The following CCDC82 variants were observed in gnomAD, a reference collection of about 807,000 sequenced individuals.
CCDC82 encodes coiled-coil domain-containing protein 82.
A neutral mutation model predicts 60.6 loss-of-function variants in CCDC82; 47 were observed. The ratio of observed to expected loss-of-function variants is 0.77; its 90% CI spans 0.61 to 0.99. The LOEUF (loss-of-function observed/expected upper bound fraction) is 0.99, where lower values mean the gene tolerates loss of function less well. Ranked by LOEUF, CCDC82 falls within the 50% of genes least tolerant of loss-of-function variation. CCDC82 has a pLI of 0.00. For missense variants in CCDC82, 588 were observed against 633.0 expected, an observed-to-expected ratio of 0.93 and a Z score of 0.76; for synonymous variants, 212 against 207.4, an observed-to-expected ratio of 1.02 and a Z score of -0.19.
At chr11:96,388,759 G>C (rs550599527) in intron 1 of CCDC82, 10 of 152,314 alleles carry the variant, frequency 6.6e-5, no homozygotes, top group Admixed American at 6.5e-4. Flanking sequence ...TGGAACCCCA[G>C]GTCATTATTT....
Position 96,384,461 on chromosome 11 carries a change from T to G in CCDC82, c.287A>C (p.Asp96Ala), listed in dbSNP as rs1199399726. 3 of 1,613,882 alleles carry G rather than the reference T, an allele frequency of 1.9e-6. No individual in the cohort carries two copies. The Admixed American group carries it at 5.0e-5, about 27-fold the overall frequency. ...GCCAGAGTTAATGAGACACTTACTG[T>G]CATTTCCTTCACTTTGAATTTTACT... is the stretch of plus-strand genomic sequence containing the variant. ...NLSKIQSEGN[D>A]SKCLINSGNG... is the part of the protein sequence containing the mutation. The change falls in exon 4 of 10, where the codon GAC becomes GCC. Residue 96 changes from aspartate to alanine, a missense_variant. Transcript: ENST00000646818.
At chr11:96,377,847 A>G (rs559945166) in intron 5 of CCDC82, among the ~76,000 whole-genome samples, 3 of 152,078 alleles carry the variant, frequency 2.0e-5, no homozygotes, top group Admixed American at 6.6e-5. Context: ...GGGCCTCTTT[A>G]ATCTGCATAA....
intron 3 of CCDC82, chr11:96,385,434 GAATAGAGAAA>G: frequency 6.6e-6 from 1 of 152,364 alleles, no homozygotes. Flanking sequence ...AAAGGATTCT[GAATAGAGAAA>G]TGATATAAAG....
intron 7 of CCDC82, among the ~76,000 whole-genome samples, chr11:96,368,927 G>A (rs779410903): frequency 9.3e-5 from 14 of 151,134 alleles, no homozygotes; most frequent in Non-Finnish European, 2.1e-4. Context: ...GAAAAAATCT[G>A]TTGTTTACTT....
At chr11:96,378,296 T>C (rs748422524) in intron 5 of CCDC82, among the ~76,000 whole-genome samples, 72 of 152,034 alleles carry the variant, frequency 4.7e-4, no homozygotes, top group Non-Finnish European at 8.5e-4. Context: ...TTATAACTTC[T>C]TTTTCATAGA....
chr11:96,381,857 T>C (rs1439921219), intron 5 of CCDC82: 1 of 151,864 alleles, frequency 6.6e-6, no homozygotes, highest in East Asian at 1.9e-4. Flanking sequence ...GACATTTTCA[T>C]TGATGATGTA....
rs144947194 is a variant in CCDC82, at chr11:96,377,851, T to C, written c.992-4384A>G. On this transcript the variant is annotated intron_variant, in intron 5 of 9. Coordinates refer to ENST00000646818, the MANE Select transcript of CCDC82 (RefSeq NM_024725.4). ...ATTAGCAATGTGGGCCTCTTTAATC[T>C]GCATAAATGTGTTACGCATTATGAA... Among the ~76,000 whole-genome samples the C allele has an allele frequency of 8.7e-3, 1,331 of 152,206 alleles. 18 individuals carry two copies. Among genetic ancestry groups the C allele is most frequent in the Admixed American group, 0.034 (524 of 15,282 alleles).
At position 96,353,618 on chromosome 11, in the gene CCDC82, T is replaced by G; in HGVS notation, c.*28A>C. 1 of 1,522,060 alleles carries G rather than the reference T, an allele frequency of 6.6e-7. No individual in the cohort carries two copies. The highest frequency in any genetic ancestry group is 9.1e-7 in the Non-Finnish European group (1 of 1,099,330). 94.3% of individuals were successfully genotyped at this position (1,522,060 alleles called of 1,614,324 possible). A position where few individuals can be genotyped will look rare whatever the true frequency, so the allele number is the denominator to read the frequency against. On this transcript the variant is annotated 3_prime_UTR_variant, in exon 10 of 10. Transcript: ENST00000646818. ...TCATGATCTTCACATTTACAGGAAT[T>G]TAAAAAATCTTCTCTGATGGAAATG...
intron 5 of CCDC82, among the ~76,000 whole-genome samples, chr11:96,378,330 A>G (rs1309008466): frequency 6.6e-6 from 1 of 151,830 alleles, no homozygotes; most frequent in African/African-American, 2.4e-5. Flanking sequence ...GCTTTATAGC[A>G]TTTTCTTGTT....
chr11:96,369,707 T>G (rs756744405), intron 7 of CCDC82, among the ~76,000 whole-genome samples: 4 of 152,146 alleles, frequency 2.6e-5, no homozygotes, highest in Non-Finnish European at 5.9e-5. Context: ...ACTGCAATAA[T>G]TACCAAAATG....
At chr11:96,366,795 A>T (rs1311477513) in intron 7 of CCDC82, among the ~76,000 whole-genome samples, 2 of 152,170 alleles carry the variant, frequency 1.3e-5, no homozygotes, top group Non-Finnish European at 2.9e-5. Flanking sequence ...CATGTAGATT[A>T]CTTGGCTAAA....
At chr11:96,356,303 G>T in intron 9 of CCDC82, 1 of 415,442 alleles carries the variant, frequency 2.4e-6, no homozygotes, top group Non-Finnish European at 3.2e-6. Flanking sequence ...GAAGAGAAGC[G>T]TTTAAGGAAG....
chr11:96,381,690 T>A (rs1327006591), intron 5 of CCDC82: 2 of 151,816 alleles, frequency 1.3e-5, no homozygotes, highest in Non-Finnish European at 3.0e-5. Flanking sequence ...CTATCTCTGA[T>A]AGGTTTCACT....
At chr11:96,358,094 C>T in intron 9 of CCDC82, 1 of 985,418 alleles carries the variant, frequency 1.0e-6, no homozygotes, top group Middle Eastern at 5.2e-4. Context: ...TCTGCCTAAG[C>T]TCTCTTGCCT....
intron 5 of CCDC82, among the ~76,000 whole-genome samples, chr11:96,380,320 A>G (rs1865805028): frequency 6.6e-6 from 1 of 151,750 alleles, no homozygotes. Flanking sequence ...GTAGGGATAA[A>G]ATCATTGAAA....
chr11:96,362,286 T>C (rs1328710992), intron 8 of CCDC82, among the ~76,000 whole-genome samples: 3 of 152,206 alleles, frequency 2.0e-5, no homozygotes, highest in African/African-American at 7.2e-5. Context: ...CAGCTCCTTA[T>C]GGAAGTTAAA....
At chr11:96,379,040 T>C (rs761526621) in intron 5 of CCDC82, among the ~76,000 whole-genome samples, 5 of 151,964 alleles carry the variant, frequency 3.3e-5, no homozygotes, top group Non-Finnish European at 7.4e-5. Context: ...ATACTGAATT[T>C]AGAGTTAGGA....
At chr11:96,383,511 T>C (rs1865994108) in intron 4 of CCDC82, 38 bp from the exon 5 acceptor site, 1 of 1,319,900 alleles carries the variant, frequency 7.6e-7, no homozygotes, top group Non-Finnish European at 1.1e-6. Context: ...TAAATGGTGC[T>C]ATTAAAACGG....
At chr11:96,369,228 C>A (rs1434493371) in intron 7 of CCDC82, among the ~76,000 whole-genome samples, 1 of 152,200 alleles carries the variant, frequency 6.6e-6, no homozygotes, top group African/African-American at 2.4e-5. Context: ...TCCATGTCAG[C>A]AATAAGGCTG....
Sources: gnomAD v4.1 joint callset for allele counts (sites outside exome capture counted in the v4.1 genomes callset) on GRCh38, gnomAD v4.1.1 for gene constraint, MANE v1.5 for transcripts, NCBI Gene and HGNC (gene_info 2026-07-23, HGNC 2026-07-21) for gene names.